KCNQ1: variants seen among roughly 807,000 people sequenced by gnomAD.
KCNQ1 encodes potassium voltage-gated channel subfamily Q member 1.
A neutral mutation model predicts 72.4 loss-of-function variants in KCNQ1; 49 were observed. The ratio of observed to expected loss-of-function variants is 0.68; its 90% confidence interval spans 0.54 to 0.86. The LOEUF (loss-of-function observed/expected upper bound fraction) is 0.86, where lower values mean the gene tolerates loss of function less well. KCNQ1 is among the 40% of genes least tolerant of loss of function. KCNQ1 has a pLI of 0.00. For missense variants in KCNQ1, 790 were observed against 945.1 expected (o/e 0.84, Z 2.15); for synonymous variants, 450 against 412.6 (o/e 1.09, Z -1.10).
Position 2,621,385 on chromosome 11 carries a change from T to C in KCNQ1, c.1393+32531T>C, listed in dbSNP as rs1162047897. The C allele has an allele frequency of 1.5e-5, 6 of 398,542 alleles. No individual in the cohort carries two copies. The highest frequency in any genetic ancestry group is 2.7e-5 in the Non-Finnish European group (6 of 226,078). The allele number at this position is 398,542 out of a possible 1,614,324, so 24.7% of individuals were successfully genotyped here. A position where few individuals can be genotyped will look rare whatever the true frequency, so the allele number is the denominator to read the frequency against. On this transcript the variant is annotated intron_variant, in intron 10 of 15. Coordinates refer to ENST00000155840, the MANE Select transcript of KCNQ1 (RefSeq NM_000218.3). This position sits in a 1 kb window ranked among gnomAD's most constrained non-coding sequence, Gnocchi z 5.7. ...ATGTTCCTGTCCTTTGCCAATTCAA[T>C]TGGATTATTCGTTTTTTGCTTGTTG...
rs777186559 is a variant in KCNQ1 at position 2,620,710 on chromosome 11, A to G, written c.1393+31856A>G. ...TTTTCCTTTGAATATATATCCAGTA[A>G]TGGGATTGCTGGGTCAGATGGTAGT... is the stretch of plus-strand genomic sequence containing the variant. On this transcript the variant is annotated intron_variant, in intron 10 of 15. Transcript: ENST00000155840. The surrounding 1 kb of genome is among the most constrained non-coding windows in gnomAD (Gnocchi z 4.5). The G allele has an allele frequency of 2.8e-5, 11 of 398,456 alleles. No homozygotes were observed. Among genetic ancestry groups the G allele is most frequent in the Non-Finnish European group, 4.9e-5 (11 of 226,046 alleles). 24.7% of individuals were successfully genotyped at this position (398,456 alleles called of 1,614,324 possible).
chr11:2,823,419 C>T (rs1023216667), intron 15 of KCNQ1, among the ~76,000 whole-genome samples: 9 of 152,190 alleles, frequency 5.9e-5, no homozygotes, highest in Non-Finnish European at 1.0e-4. Flanking sequence ...ATAGAATTTG[C>T]TTTCTATCCC....
Position 2,483,961 on chromosome 11 carries a change from G to A in KCNQ1, c.386+38477G>A, listed in dbSNP as rs1846693181. ...CCATCAGCTGGTTTTGCTTGTGACA[G>A]GCAAAGTCTGTGGTGCTTGCCAAAT... is the stretch of plus-strand genomic sequence containing the variant. On this transcript the variant is annotated intron_variant, in intron 1 of 15. Transcript: ENST00000155840. The surrounding 1 kb of genome is among the most constrained non-coding windows in gnomAD (Gnocchi z 6.1). 6.6e-6 allele frequency among the ~76,000 whole-genome samples: 1 copy of A among 152,170 alleles called. No individual in the cohort carries two copies. Among genetic ancestry groups the A allele is most frequent in the Non-Finnish European group, 1.5e-5 (1 of 68,036 alleles).
At chr11:2,558,493 A>G (rs1005320224) in intron 2 of KCNQ1, among the ~76,000 whole-genome samples, 1 of 152,188 alleles carries the variant, frequency 6.6e-6, no homozygotes, top group Non-Finnish European at 1.5e-5. Context: ...CAGAGACTAG[A>G]TGGGCCAGCC....
rs575060292 is a variant in KCNQ1, at chr11:2,541,416, C to T, written c.477+13398C>T. Among the ~76,000 whole-genome samples, 34 of 152,242 alleles carry T rather than the reference C, an allele frequency of 2.2e-4. No homozygotes were observed. The highest frequency in any genetic ancestry group is 6.8e-3 in the Middle Eastern group (2 of 294). On this transcript the variant is annotated intron_variant, in intron 2 of 15. Coordinates refer to ENST00000155840, the MANE Select transcript of KCNQ1 (RefSeq NM_000218.3). The surrounding 1 kb of genome is among the most constrained non-coding windows in gnomAD (Gnocchi z 4.8). ...CGGGGCCTGTGTCTCTTCTCACTGA[C>T]CGTTTTCTGAAACTGGCTGGGGAGG...
Position 2,447,041 on chromosome 11 carries a change from G to C in KCNQ1, c.386+1557G>C, listed in dbSNP as rs1846049078. 6.6e-6 allele frequency among the ~76,000 whole-genome samples: 1 copy of C among 152,220 alleles called. No homozygotes were observed. The highest frequency in any genetic ancestry group is 2.4e-5 in the African/African-American group (1 of 41,446). On this transcript the variant is annotated intron_variant, in intron 1 of 15. Coordinates refer to ENST00000155840, the MANE Select transcript of KCNQ1 (RefSeq NM_000218.3). This position sits in a 1 kb window ranked among gnomAD's most constrained non-coding sequence, Gnocchi z 7.6. ...AAGACCTCCTCAGCCAGAGGCCAAG[G>C]CAAAGTGCCCGCAGACCCCCTCAAT...
Position 2,668,492 on chromosome 11 carries a change from G to T in KCNQ1, c.1514+6411G>T. On this transcript the variant is annotated intron_variant, in intron 11 of 15. Coordinates refer to ENST00000155840, the MANE Select transcript of KCNQ1 (RefSeq NM_000218.3). This position sits in a 1 kb window ranked among gnomAD's most constrained non-coding sequence, Gnocchi z 4.3. Reference sequence around the variant, plus strand: ...TCGTTTCCTTTTCAGCCATGATGGTGAATGTCTAGCAGCATCAAATGGTGA... The same window carrying T: ...TCGTTTCCTTTTCAGCCATGATGGTTAATGTCTAGCAGCATCAAATGGTGA... 1 of 398,610 alleles carries T rather than the reference G, an allele frequency of 2.5e-6. No homozygotes were observed. The highest frequency in any genetic ancestry group is 1.3e-4 in the South Asian group (1 of 7,850). The allele number at this position is 398,610 out of a possible 1,614,324, so 24.7% of individuals were successfully genotyped here.
intron 10 of KCNQ1, chr11:2,649,308 AT>A: frequency 2.5e-6 from 1 of 397,382 alleles, no homozygotes. Flanking sequence ...TTTCTTTGCA[AT>A]TTTTTGGTTT....
chr11:2,655,103 A>C (rs1849821451), intron 10 of KCNQ1: 1 of 398,592 alleles, frequency 2.5e-6, no homozygotes. Flanking sequence ...AATAAAATTC[A>C]AATCCCCCTA....
intron 15 of KCNQ1, among the ~76,000 whole-genome samples, chr11:2,831,145 G>A (rs762891831): frequency 5.9e-5 from 9 of 152,198 alleles, no homozygotes; most frequent in South Asian, 2.1e-4. Flanking sequence ...CAAAGGCGGC[G>A]ATCAATGGGA....
intron 1 of KCNQ1, among the ~76,000 whole-genome samples, chr11:2,448,621 G>A (rs1239591412): frequency 6.6e-6 from 1 of 152,228 alleles, no homozygotes; most frequent in Non-Finnish European, 1.5e-5. Context: ...GGTGGGGCTG[G>A]GCACAGAGGA....
At chr11:2,716,766 C>T (rs190303577) in intron 11 of KCNQ1, among the ~76,000 whole-genome samples, 77 of 152,340 alleles carry the variant, frequency 5.1e-4, no homozygotes, top group Admixed American at 4.5e-3. Flanking sequence ...GGGTGGCCCG[C>T]ATTGAACAGG....
chr11:2,609,356 CT>C (rs1367407554), intron 10 of KCNQ1: 2 of 398,280 alleles, frequency 5.0e-6, no homozygotes, highest in Non-Finnish European at 8.9e-6. Context: ...CTGAGTTCTA[CT>C]TTTATTTCAT....
rs554778700 is a variant in KCNQ1, at chr11:2,538,631, A to G, written c.477+10613A>G. On this transcript the variant is annotated intron_variant, in intron 2 of 15. Transcript: ENST00000155840. The surrounding 1 kb of genome is among the most constrained non-coding windows in gnomAD (Gnocchi z 6.7). Reference sequence around the variant, plus strand: ...GAACCGGAACGTTCCCCGAGTACATAGGAATCCTGGGCTGGAACCGGAAAC... The same window carrying G: ...GAACCGGAACGTTCCCCGAGTACATGGGAATCCTGGGCTGGAACCGGAAAC... Among the ~76,000 whole-genome samples the G allele has an allele frequency of 6.6e-5, 10 of 151,870 alleles. No individual in the cohort carries two copies. Among genetic ancestry groups the G allele is most frequent in the Admixed American group, 4.6e-4 (7 of 15,256 alleles).
At position 2,685,947 on chromosome 11, in the gene KCNQ1, G is replaced by C. The variant is rs144274125; in HGVS notation, c.1514+23866G>C. The stretch of plus-strand genomic sequence containing the variant: ...TCTGGGCCCACTCTCCCATCCTCCT[G>C]CTGGGTCACACGGATGAGGCCTGTA... On this transcript the variant is annotated intron_variant, in intron 11 of 15. Transcript: ENST00000155840. 3.6e-4 allele frequency: 143 copies of C among 398,780 alleles called. 1 individual carries two copies. In the East Asian group the frequency reaches 4.6e-3, roughly 13 times the overall value. The allele number at this position is 398,780 out of a possible 1,614,324, so 24.7% of individuals were successfully genotyped here. A position where few individuals can be genotyped will look rare whatever the true frequency, so the allele number is the denominator to read the frequency against.
At position 2,698,190 on chromosome 11, in the gene KCNQ1, C is replaced by G. The variant is rs996906715; in HGVS notation, c.1514+36109C>G. 1 of 398,440 alleles carries G rather than the reference C, an allele frequency of 2.5e-6. No individual in the cohort carries two copies. Among genetic ancestry groups the G allele is most frequent in the African/African-American group, 2.1e-5 (1 of 48,586 alleles). The allele number at this position is 398,440 out of a possible 1,614,324, so 24.7% of individuals were successfully genotyped here. On this transcript the variant is annotated intron_variant, in intron 11 of 15. Coordinates refer to ENST00000155840, the MANE Select transcript of KCNQ1 (RefSeq NM_000218.3). The surrounding 1 kb of genome is among the most constrained non-coding windows in gnomAD (Gnocchi z 5.1). Reference sequence around the variant, plus strand: ...GCTTTTGGTCTAGCAAAAGGGGCACCACAGTAAAGAAAGAACTGGTAAATG... The same window carrying G: ...GCTTTTGGTCTAGCAAAAGGGGCACGACAGTAAAGAAAGAACTGGTAAATG...
chr11:2,547,024 T>A lies in KCNQ1; in HGVS notation c.477+19006T>A, dbSNP rs527754936. The stretch of plus-strand genomic sequence containing the variant: ...CTTGTTTTTCATATGAAGCATATAG[T>A]TGAGTCTTATTTTGTGAGTCAAACT... On this transcript the variant is annotated intron_variant, in intron 2 of 15. Transcript: ENST00000155840. The surrounding 1 kb of genome is among the most constrained non-coding windows in gnomAD (Gnocchi z 4.2). Among the ~76,000 whole-genome samples, 19 of 152,340 alleles carry A rather than the reference T, an allele frequency of 1.2e-4. No individual in the cohort carries two copies. The highest frequency in any genetic ancestry group is 1.2e-3 in the Admixed American group (18 of 15,302).
At position 2,827,639 on chromosome 11, in the gene KCNQ1, G is replaced by T. The variant is rs1449208956; in HGVS notation, c.1795-20128G>T. Among the ~76,000 whole-genome samples the T allele has an allele frequency of 6.7e-6, 1 of 148,878 alleles. No individual in the cohort carries two copies. The highest frequency in any genetic ancestry group is 1.5e-5 in the Non-Finnish European group (1 of 67,130). On this transcript the variant is annotated intron_variant, in intron 15 of 15. Coordinates refer to ENST00000155840, the MANE Select transcript of KCNQ1 (RefSeq NM_000218.3). This position sits in a 1 kb window ranked among gnomAD's most constrained non-coding sequence, Gnocchi z 6.7. ...CTGTTGATTAAAAAAAAAAAGTGGG[G>T]TCGGGGGGGCGGGGGAGAGCGGCTA...
intron 8 of KCNQ1, among the ~76,000 whole-genome samples, chr11:2,587,033 G>A (rs1848601919): frequency 6.6e-6 from 1 of 152,142 alleles, no homozygotes; most frequent in Non-Finnish European, 1.5e-5. Context: ...TGCCATCAGA[G>A]GCTCCCCCAA....
Sources: gnomAD v4.1 joint callset for allele counts (sites outside exome capture counted in the v4.1 genomes callset) on GRCh38, gnomAD v4.1.1 for gene constraint, Gnocchi (gnomAD v3.1) non-coding constraint, MANE v1.5 for transcripts, NCBI Gene and HGNC (gene_info 2026-07-23, HGNC 2026-07-21) for gene names.